Variants in LRP1B observed in about 807,000 individuals in gnomAD.
The protein encoded by LRP1B is low-density lipoprotein receptor-related protein 1B.
A neutral mutation model predicts 556.6 loss-of-function variants in LRP1B; 217 were observed. The observed-to-expected ratio is 0.39, with a 90% CI of 0.35 to 0.44. The LOEUF (loss-of-function observed/expected upper bound fraction) is 0.44. Among genes scored for constraint, LRP1B ranks in the 20% least tolerant of loss-of-function variants. The pLI, the probability that LRP1B is intolerant of heterozygous loss-of-function variation, is 1.00. For missense variants in LRP1B, 5,053 were observed against 5,620.8 expected (o/e 0.90, Z 3.23); for synonymous variants, 2,047 against 1,865.8 (o/e 1.10, Z -2.50).
At chr2:140,533,552 C>A (rs1284420471) in intron 47 of LRP1B, among the ~76,000 whole-genome samples, 2 of 151,958 alleles carry the variant, frequency 1.3e-5, no homozygotes, top group Non-Finnish European at 2.9e-5. Flanking sequence ...TTAGCCCAGG[C>A]TTAAAGTGGA....
intron 2 of LRP1B, among the ~76,000 whole-genome samples, chr2:141,653,410 G>C (rs532282408): frequency 6.6e-6 from 1 of 152,130 alleles, no homozygotes; most frequent in Non-Finnish European, 1.5e-5. Flanking sequence ...GCATCAGTAC[G>C]TGTCATAGAA....
Position 140,420,727 on chromosome 2 carries a change from T to C in LRP1B, c.10414+21777A>G, listed in dbSNP as rs1573917508. Reference sequence around the variant, plus strand: ...GCAACAGGGAGAAATCTCAAAATAATTGAGTGAAATAAGCCAGAGAAAATG... The same window carrying C: ...GCAACAGGGAGAAATCTCAAAATAACTGAGTGAAATAAGCCAGAGAAAATG... On this transcript the variant is annotated intron_variant, in intron 66 of 90. Coordinates refer to ENST00000389484, the MANE Select transcript of LRP1B (RefSeq NM_018557.3). 5.9e-5 allele frequency among the ~76,000 whole-genome samples: 9 copies of C among 152,270 alleles called. No homozygotes were observed. The Middle Eastern group carries it at 0.017, about 288-fold the overall frequency.
chr2:140,823,263 C>T (rs550613341), intron 31 of LRP1B, among the ~76,000 whole-genome samples: 139 of 149,104 alleles, frequency 9.3e-4, no homozygotes, highest in African/African-American at 3.2e-3. Flanking sequence ...ACAATATGCA[C>T]GAGAAGAAAT....
At chr2:140,657,586 C>CATATATATACATATAT (rs55724105) in intron 41 of LRP1B, among the ~76,000 whole-genome samples, 1 of 145,236 alleles carries the variant, frequency 6.9e-6, no homozygotes, top group Non-Finnish European at 1.5e-5. Context: ...CATATATATA[C>CATATATATACATATAT]ATACATACAT....
intron 2 of LRP1B, among the ~76,000 whole-genome samples, chr2:141,628,462 T>A (rs1412299044): frequency 6.6e-6 from 1 of 152,114 alleles, no homozygotes; most frequent in Non-Finnish European, 1.5e-5. Flanking sequence ...AAAAAAATTC[T>A]TGATGGAAGA....
intron 7 of LRP1B, among the ~76,000 whole-genome samples, chr2:141,162,295 G>A (rs1162817880): frequency 2.6e-5 from 4 of 152,074 alleles, no homozygotes; most frequent in South Asian, 2.1e-4. Flanking sequence ...TTTTGTGGAG[G>A]TGGAACGAAA....
At chr2:141,037,915 C>T (rs2105426436) in intron 11 of LRP1B, among the ~76,000 whole-genome samples, 1 of 151,880 alleles carries the variant, frequency 6.6e-6, no homozygotes, top group African/African-American at 2.4e-5. Flanking sequence ...AACACACACA[C>T]ACACATCCAT....
chr2:140,248,993 G>C (rs543278848), intron 86 of LRP1B, among the ~76,000 whole-genome samples: 2 of 150,174 alleles, frequency 1.3e-5, no homozygotes, highest in South Asian at 4.2e-4. Context: ...CAATTATTTT[G>C]AATTATTGAT....
chr2:141,959,504 G>A (rs1394659159), intron 1 of LRP1B, among the ~76,000 whole-genome samples: 1 of 151,848 alleles, frequency 6.6e-6, no homozygotes, highest in African/African-American at 2.4e-5. Context: ...TTACAAATAT[G>A]GGTTGCTGTA....
intron 43 of LRP1B, among the ~76,000 whole-genome samples, chr2:140,564,079 C>A (rs1681038161): frequency 6.6e-6 from 1 of 152,226 alleles, no homozygotes; most frequent in African/African-American, 2.4e-5. Flanking sequence ...ATTTTGCATT[C>A]ATTGAAAGAG....
intron 41 of LRP1B, among the ~76,000 whole-genome samples, chr2:140,687,810 C>T (rs1686103049): frequency 6.6e-6 from 1 of 152,026 alleles, no homozygotes; most frequent in Non-Finnish European, 1.5e-5. Context: ...TAACAGGAAA[C>T]TTCACTCCTG....
intron 1 of LRP1B, among the ~76,000 whole-genome samples, chr2:141,873,117 ATATGC>A (rs1204578328): frequency 3.3e-5 from 5 of 152,172 alleles, no homozygotes; most frequent in African/African-American, 1.2e-4. Flanking sequence ...TGGCACATAA[ATATGC>A]TATTACATGT....
At chr2:140,684,387 C>A (rs1685973643) in intron 41 of LRP1B, among the ~76,000 whole-genome samples, 1 of 152,142 alleles carries the variant, frequency 6.6e-6, no homozygotes, top group Non-Finnish European at 1.5e-5. Flanking sequence ...ATTTATCAGA[C>A]TAATAGGTAC....
chr2:140,733,623 T>C (rs1261136764), intron 35 of LRP1B, among the ~76,000 whole-genome samples: 1 of 152,080 alleles, frequency 6.6e-6, no homozygotes, highest in Non-Finnish European at 1.5e-5. Context: ...AGAATATATA[T>C]CATGTAATTC....
chr2:141,363,674 A>C (rs1349212921), intron 3 of LRP1B, among the ~76,000 whole-genome samples: 1 of 152,138 alleles, frequency 6.6e-6, no homozygotes, highest in Non-Finnish European at 1.5e-5. Flanking sequence ...ATACTTCTCA[A>C]GACTTATTTG....
chr2:140,450,496 A>G, intron 63 of LRP1B, 72 bp downstream of exon 63: 1 of 1,119,732 alleles, frequency 8.9e-7, no homozygotes, highest in Non-Finnish European at 1.3e-6. Flanking sequence ...CTTTAGGTGT[A>G]GATTCAATTT....
intron 41 of LRP1B, among the ~76,000 whole-genome samples, chr2:140,633,935 C>T (rs900438057): frequency 3.3e-5 from 5 of 152,100 alleles, no homozygotes; most frequent in African/African-American, 9.7e-5. Flanking sequence ...AATACTGCTT[C>T]CTAGTCCACT....
rs182811783 is a variant in LRP1B at position 140,951,726 on chromosome 2, C to T, written c.2968+134G>A. 7.6e-3 allele frequency: 4,829 copies of T among 638,368 alleles called. 45 individuals are homozygous for T. Among genetic ancestry groups the T allele is most frequent in the Middle Eastern group, 0.013 (51 of 3,908 alleles). The allele number at this position is 638,368 out of a possible 1,614,324, so 39.5% of individuals were successfully genotyped here. A position where few individuals can be genotyped will look rare whatever the true frequency, so the allele number is the denominator to read the frequency against. ...CCACTGATGTGCTGCTAGCTGCCCG[C>T]TCACCACTTGTTTTAGCCGTTTTTC... On this transcript the variant is annotated intron_variant, in intron 19 of 90. Transcript: ENST00000389484.
At chr2:141,988,881 T>C (rs1282744825) in intron 1 of LRP1B, among the ~76,000 whole-genome samples, 2 of 152,078 alleles carry the variant, frequency 1.3e-5, no homozygotes, top group Non-Finnish European at 2.9e-5. Context: ...TCATTACTAA[T>C]ATAACAGCTT....
Sources: gnomAD v4.1 joint callset for allele counts (sites outside exome capture counted in the v4.1 genomes callset) on GRCh38, gnomAD v4.1.1 for gene constraint, MANE v1.5 for transcripts, NCBI Gene and HGNC (gene_info 2026-07-23, HGNC 2026-07-21) for gene names.